Variants in MEP1A observed in about 807,000 individuals in gnomAD.
MEP1A encodes the protein N-benzoyl-L-tyrosyl-P-amino-benzoic acid hydrolase subunit alpha.
MEP1A carries 68 observed loss-of-function variants against 84.5 expected under a neutral mutation model. That is an observed-to-expected ratio of 0.80 (90% CI 0.66 to 0.98). The LOEUF is 0.98. Ranked by LOEUF, MEP1A falls within the 50% of genes least tolerant of loss-of-function variation. The pLI is 0.00. For missense variants in MEP1A, 887 were observed against 919.9 expected (o/e 0.96, Z 0.46); for synonymous variants, 337 against 336.8 (o/e 1.00, Z -0.01).
downstream of MEP1A, among the ~76,000 whole-genome samples, chr6:46,842,828 G>A (rs1768357854): frequency 6.6e-6 from 1 of 152,178 alleles, no homozygotes; most frequent in Non-Finnish European, 1.5e-5. Context: ...CAGAGGCCCA[G>A]CTGTAAAATT....
chr6:46,803,720 A>G (rs1038002046), intron 5 of MEP1A, among the ~76,000 whole-genome samples: 1 of 138,914 alleles, frequency 7.2e-6, no homozygotes, highest in African/African-American at 2.7e-5. Context: ...ATATTCTACA[A>G]CATGGCTACT....
chr6:46,797,772 TTTTCTTTCTTTC>T (rs372845920), intron 3 of MEP1A, among the ~76,000 whole-genome samples: 59 of 149,994 alleles, frequency 3.9e-4, no homozygotes, highest in African/African-American at 1.5e-3. Context: ...CTTTCTTTCT[TTTTCTTTCTTTC>T]TTTCTTTCTC....
chr6:46,804,976 A>G (rs1288933876), intron 5 of MEP1A, among the ~76,000 whole-genome samples: 1 of 151,808 alleles, frequency 6.6e-6, no homozygotes, highest in Non-Finnish European at 1.5e-5. Flanking sequence ...ACTCAGTAAA[A>G]TGTTCTTGGG....
At chr6:46,841,918 C>T (rs1013144487), downstream of MEP1A, among the ~76,000 whole-genome samples, 3 of 152,186 alleles carry the variant, frequency 2.0e-5, no homozygotes, top group Non-Finnish European at 4.4e-5. Context: ...AATGGAGGGA[C>T]CAGCTGGAGC....
chr6:46,815,090 C>A (rs770011582), intron 6 of MEP1A, among the ~76,000 whole-genome samples: 44 of 152,150 alleles, frequency 2.9e-4, no homozygotes, highest in Non-Finnish European at 4.4e-4. Context: ...TGCAAACCTG[C>A]CCTAGGGACA....
At chr6:46,815,947 A>AT (rs1344259745) in intron 6 of MEP1A, among the ~76,000 whole-genome samples, 6 of 151,748 alleles carry the variant, frequency 4.0e-5, no homozygotes, top group African/African-American at 1.5e-4. Flanking sequence ...TTTATTTATT[A>AT]TTTTTTTGAG....
chr6:46,806,728 C>T (rs768352876), intron 5 of MEP1A, among the ~76,000 whole-genome samples: 6 of 152,000 alleles, frequency 3.9e-5, no homozygotes, highest in Non-Finnish European at 7.4e-5. Flanking sequence ...CATGACTTTC[C>T]TTTCTAGGAC....
At position 46,806,368 on chromosome 6, in the gene MEP1A, G is replaced by T. The variant is rs150851085; in HGVS notation, c.263-3052G>T. Among the ~76,000 whole-genome samples the T allele has an allele frequency of 9.9e-5, 15 of 152,124 alleles. No homozygotes were observed. In the East Asian group the frequency reaches 2.9e-3, roughly 29 times the overall value. On this transcript the variant is annotated intron_variant, in intron 5 of 13. Transcript: ENST00000230588. ...TTTTTGTTAGAGCAGTTAAATTACT[G>T]CATGATCATCTGGAATTTGTGGAGG...
chr6:46,824,730 AATT>A (rs1370145748), intron 7 of MEP1A, among the ~76,000 whole-genome samples: 62 of 91,308 alleles, frequency 6.8e-4, no homozygotes, highest in African/African-American at 2.5e-3. Context: ...AATATATATA[AATT>A]ATGTATTTAA....
intron 5 of MEP1A, among the ~76,000 whole-genome samples, chr6:46,805,710 GT>G (rs1404736106): frequency 1.3e-5 from 2 of 151,374 alleles, no homozygotes. Flanking sequence ...TTTTATTTTT[GT>G]TTTTATAACA....
chr6:46,809,305 C>A, intron 5 of MEP1A, 115 bp from the exon 6 acceptor site: 1 of 654,394 alleles, frequency 1.5e-6, no homozygotes, highest in Non-Finnish European at 2.5e-6. Context: ...ACCAAAAACC[C>A]TATCATGCAC....
chr6:46,815,238 A>C (rs1767607653), intron 6 of MEP1A, among the ~76,000 whole-genome samples: 2 of 152,182 alleles, frequency 1.3e-5, no homozygotes, highest in South Asian at 4.1e-4. Flanking sequence ...GTCTGAGCTC[A>C]GCCTCTCCTT....
downstream of MEP1A, among the ~76,000 whole-genome samples, chr6:46,844,064 A>G (rs1039746392): frequency 6.6e-6 from 1 of 152,198 alleles, no homozygotes; most frequent in Non-Finnish European, 1.5e-5. Flanking sequence ...TTAGTCACCT[A>G]CTCAAATTTC....
At chr6:46,798,304 G>T (rs562904391) in intron 3 of MEP1A, among the ~76,000 whole-genome samples, 1 of 152,206 alleles carries the variant, frequency 6.6e-6, no homozygotes, top group East Asian at 1.9e-4. Flanking sequence ...TATCAGTGCT[G>T]CATCGAATCC....
chr6:46,798,585 T>A (rs768702231), intron 3 of MEP1A, 21 bp from the exon 4 acceptor site: 42 of 1,604,930 alleles, frequency 2.6e-5, no homozygotes, highest in African/African-American at 6.7e-5. Context: ...ATTCTTTTTT[T>A]AAAAAAAATT....
intron 6 of MEP1A, among the ~76,000 whole-genome samples, chr6:46,811,100 G>T (rs2150745795): frequency 6.6e-6 from 1 of 152,224 alleles, no homozygotes; most frequent in African/African-American, 2.4e-5. Context: ...TCATCCATGA[G>T]CAAGGGATAG....
At chr6:46,803,410 G>A (rs1480546008) in intron 5 of MEP1A, among the ~76,000 whole-genome samples, 1 of 151,552 alleles carries the variant, frequency 6.6e-6, no homozygotes, top group African/African-American at 2.4e-5. Context: ...TCTTTATAAT[G>A]TCTGTAGAAT....
At position 46,835,353 on chromosome 6, in the gene MEP1A, T is replaced by C; in HGVS notation, c.1888T>C (p.Ser630Pro). The change falls in exon 13 of 14, where the codon TCG becomes CCG. Residue 630 changes from serine (S) to proline (P), a missense_variant. Transcript: ENST00000230588. ...GGAGCAGCAGGTCTCCGAAGAAGGTTCGGGAAAGGCCATGTTAGAGGAAGC... is the reference window on the plus strand; with the variant it reads ...GGAGCAGCAGGTCTCCGAAGAAGGTCCGGGAAAGGCCATGTTAGAGGAAGC... ...GQEQQVSEEG[S>P]GKAMLEEALP... 6.2e-7 allele frequency: 1 copy of C among 1,611,356 alleles called. No homozygotes were observed. Among genetic ancestry groups the C allele is most frequent in the Non-Finnish European group, 8.5e-7 (1 of 1,178,838 alleles).
intron 6 of MEP1A, among the ~76,000 whole-genome samples, chr6:46,816,867 TA>T (rs1767648919): frequency 6.6e-6 from 1 of 152,006 alleles, no homozygotes; most frequent in Admixed American, 6.6e-5. Flanking sequence ...CATAATCCCA[TA>T]ATGAGCAAGA....
Sources: allele counts gnomAD v4.1 joint callset (sites outside exome capture counted in the v4.1 genomes callset), GRCh38; gene constraint gnomAD v4.1.1; transcripts MANE v1.5; gene names NCBI Gene and HGNC (gene_info 2026-07-23, HGNC 2026-07-21).